GPR89B: variants seen among roughly 807,000 people sequenced by gnomAD.
GPR89B encodes G protein-coupled receptor 89B.
In GPR89B, 25 loss-of-function variants were observed where a neutral mutation model predicts 52.4. The ratio of observed to expected loss-of-function variants is 0.48; its 90% CI spans 0.35 to 0.67. The LOEUF is 0.67. Ranked by LOEUF, GPR89B falls within the 30% of genes least tolerant of loss-of-function variation. The probability of loss-of-function intolerance (pLI) is 0.01; values close to 1 mark genes in which losing one functional copy is unlikely to be tolerated. For synonymous variants in GPR89B, 52 were observed against 151.2 expected (o/e 0.34, Z 4.81); for missense variants, 146 against 450.2 (o/e 0.32, Z 6.11).
chr1:148,017,080 C>T, the GPR89B span, among the ~76,000 whole-genome samples: 1 of 151,730 alleles, frequency 6.6e-6, no homozygotes, highest in East Asian at 1.9e-4. Flanking sequence ...CTCACTCTGT[C>T]GCCCAGGCTG....
chr1:148,013,006 C>G, the GPR89B span, among the ~76,000 whole-genome samples: 2 of 151,994 alleles, frequency 1.3e-5, no homozygotes, highest in Non-Finnish European at 2.9e-5. Flanking sequence ...AAAAATGCAG[C>G]TGTTAAAAAT....
chr1:148,018,773 TCTC>T, the GPR89B span, among the ~76,000 whole-genome samples: 1 of 151,714 alleles, frequency 6.6e-6, no homozygotes, highest in South Asian at 2.1e-4. Context: ...TTCAAGCAAT[TCTC>T]CTGCCTCAGC....
At chr1:147,956,369 C>A (rs1420700430) in intron 7 of GPR89B, among the ~76,000 whole-genome samples, 189 of 150,692 alleles carry the variant, frequency 1.3e-3, no homozygotes, top group Middle Eastern at 0.01. Flanking sequence ...ATTGCCTTGG[C>A]AATTCAGTTT....
rs1164785857 is a variant in GPR89B, at chr1:147,956,884, C to T, written c.617+2482C>T. Among the ~76,000 whole-genome samples, 9 of 151,646 alleles carry T rather than the reference C, an allele frequency of 5.9e-5. No individual in the cohort carries two copies. In the South Asian group the frequency reaches 1.2e-3, roughly 21 times the overall value. On this transcript the variant is annotated intron_variant, in intron 7 of 13. Coordinates refer to ENST00000314163, the MANE Select transcript of GPR89B (RefSeq NM_016334.5). ...TCCCGAGTATCTGGGATTATAGGTG[C>T]GCACCACCACACCCAGCTTATTTTT...
the GPR89B span, among the ~76,000 whole-genome samples, chr1:148,016,566 G>A: frequency 1.3e-3 from 192 of 147,356 alleles, 3 homozygotes; most frequent in African/African-American, 4.4e-3. Flanking sequence ...AGCTCCTTGG[G>A]TCACTGGATT....
chr1:147,937,907 A>G (rs1455702227), intron 2 of GPR89B, among the ~76,000 whole-genome samples: 2 of 152,240 alleles, frequency 1.3e-5, no homozygotes, highest in Non-Finnish European at 2.9e-5. Flanking sequence ...AGGCATAAGA[A>G]ATTTAAAAAG....
At chr1:147,991,175 A>G (rs1469859648) in intron 12 of GPR89B, among the ~76,000 whole-genome samples, 3 of 151,070 alleles carry the variant, frequency 2.0e-5, no homozygotes, top group East Asian at 1.9e-4. Flanking sequence ...TCCCTTGTAA[A>G]TTGGATTCCT....
chr1:148,023,026 G>A, the GPR89B span, among the ~76,000 whole-genome samples: 1 of 151,880 alleles, frequency 6.6e-6, no homozygotes, highest in Admixed American at 6.6e-5. Flanking sequence ...TGTTACATGG[G>A]TATATTGGGT....
At chr1:147,989,266 C>G (rs1400881415) in intron 12 of GPR89B, among the ~76,000 whole-genome samples, 7 of 151,746 alleles carry the variant, frequency 4.6e-5, no homozygotes, top group Non-Finnish European at 7.4e-5. Flanking sequence ...CAGCTTTAAG[C>G]AAAACTATAT....
chr1:147,997,425 C>CT (rs1659342697), downstream of GPR89B, among the ~76,000 whole-genome samples: 1 of 152,126 alleles, frequency 6.6e-6, no homozygotes, highest in Admixed American at 6.5e-5. Context: ...GCTTGGACAT[C>CT]AGAATTCCTG....
chr1:147,970,537 C>CTA (rs1184456650), intron 10 of GPR89B, among the ~76,000 whole-genome samples: 85 of 130,374 alleles, frequency 6.5e-4, no homozygotes, highest in African/African-American at 2.5e-3. Context: ...CTCTCTCTAT[C>CTA]TCTATCTCTC....
At chr1:148,016,811 T>G in the GPR89B span, among the ~76,000 whole-genome samples, 1 of 151,220 alleles carries the variant, frequency 6.6e-6, no homozygotes, top group Non-Finnish European at 1.5e-5. Flanking sequence ...AAATTAGGCC[T>G]CTTAAATCTG....
chr1:147,976,158 T>C (rs1455872202), intron 10 of GPR89B, among the ~76,000 whole-genome samples: 13 of 152,216 alleles, frequency 8.5e-5, no homozygotes, highest in African/African-American at 2.7e-4. Context: ...TCTGTAGATA[T>C]CTATCAGGTC....
chr1:148,004,886 AACACACACAC>A, the GPR89B span, among the ~76,000 whole-genome samples: 3,152 of 111,804 alleles, frequency 0.028, 138 homozygotes, highest in African/African-American at 0.084. Flanking sequence ...ATCTCTACAA[AACACACACAC>A]ACACACACAC....
At chr1:148,009,350 A>G in the GPR89B span, 3 of 1,611,950 alleles carry the variant, frequency 1.9e-6, no homozygotes, top group South Asian at 1.1e-5. Flanking sequence ...CACCTTGGAC[A>G]GTTTTCAGAG....
the GPR89B span, among the ~76,000 whole-genome samples, chr1:148,004,158 G>A: frequency 1.3e-4 from 18 of 142,842 alleles, 1 homozygote; most frequent in Admixed American, 1.0e-3. Flanking sequence ...TGTATTTATC[G>A]CCTTTTTTTT....
Position 147,938,809 on chromosome 1 carries a change from G to A in GPR89B, c.198G>A (p.Leu66=), listed in dbSNP as rs1553248430. The change falls in exon 3 of 14, where the codon TTG becomes TTA. Residue 66 remains leucine, a synonymous_variant. Transcript: ENST00000314163. The part of the protein sequence containing the change: ...ELIIFEILGV[L]NSSSRYFHWK... ...TCATCTTTGAAATCTTAGGAGTATT[G>A]AATAGCAGGTGAGTAAGAGTACTGA... 1 of 1,557,080 alleles carries A rather than the reference G, an allele frequency of 6.4e-7. No individual in the cohort carries two copies. Among genetic ancestry groups the A allele is most frequent in the South Asian group, 1.1e-5 (1 of 87,784 alleles).
Position 147,968,877 on chromosome 1 carries a change from C to G in GPR89B, c.730C>G (p.Leu244Val), listed in dbSNP as rs2149076337. The G allele has an allele frequency of 6.2e-7, 1 of 1,612,256 alleles. No homozygotes were observed. The highest frequency in any genetic ancestry group is 1.1e-5 in the South Asian group (1 of 90,880). Residue 244 changes from leucine (L) to valine (V), a missense_variant and splice_region_variant, in exon 9 of 14, where the codon CTT (leucine) becomes GTT (valine). By Grantham distance (32) the Leu-to-Val change is conservative (BLOSUM62 1). Transcript: ENST00000314163. ...CCTTGATGCCCATTCTGTGCCAGAT[C>G]TTACTCTTATTCAACAGGAAGTGGA... is the stretch of plus-strand genomic sequence containing the variant. ...VTTSASGSEN[L>V]TLIQQEVDAL...
chr1:148,008,884 A>G, the GPR89B span, among the ~76,000 whole-genome samples: 1 of 152,200 alleles, frequency 6.6e-6, no homozygotes, highest in African/African-American at 2.4e-5. Flanking sequence ...GTGCTCAAGA[A>G]TTTGTTGAAT....
Sources: gnomAD v4.1 joint callset for allele counts (sites outside exome capture counted in the v4.1 genomes callset) on GRCh38, gnomAD v4.1.1 for gene constraint, MANE v1.5 for transcripts, NCBI Gene and HGNC (gene_info 2026-07-23, HGNC 2026-07-21) for gene names.